Variants in CCDC91 observed in about 807,000 individuals in gnomAD.
The protein encoded by CCDC91 is coiled-coil domain containing 91.
A neutral mutation model predicts 63.2 loss-of-function variants in CCDC91; 48 were observed. The ratio of observed to expected loss-of-function variants is 0.76; its 90% CI spans 0.60 to 0.97. CCDC91 has a LOEUF of 0.97. Among genes scored for constraint, CCDC91 ranks in the 50% least tolerant of loss-of-function variants. CCDC91 has a pLI of 0.00. For synonymous variants in CCDC91, 167 were observed against 165.8 expected (o/e 1.01, Z -0.06); for missense variants, 500 against 494.6 (o/e 1.01, Z -0.10).
intron 1 of CCDC91, among the ~76,000 whole-genome samples, chr12:28,231,629 A>T (rs1190687672): frequency 6.6e-6 from 1 of 152,066 alleles, no homozygotes; most frequent in African/African-American, 2.4e-5. Context: ...TTAGATTTTT[A>T]ACTGTACTTA....
At position 28,517,561 on chromosome 12, in the gene CCDC91, C is replaced by T. The variant is rs570872015; in HGVS notation, c.1216-31502C>T. On this transcript the variant is annotated intron_variant, in intron 12 of 12. Transcript: ENST00000536442. The stretch of plus-strand genomic sequence containing the variant: ...TTCAATATTCCATGGCACATATTCA[C>T]ACAATAGAGTTTTATTTGTTTTTAT... Among the ~76,000 whole-genome samples, 20 of 152,070 alleles carry T rather than the reference C, an allele frequency of 1.3e-4. No individual in the cohort carries two copies. The South Asian group carries it at 4.1e-3, about 32-fold the overall frequency.
At chr12:28,531,715 G>T (rs1246888847) in intron 12 of CCDC91, among the ~76,000 whole-genome samples, 1 of 152,082 alleles carries the variant, frequency 6.6e-6, no homozygotes, top group Non-Finnish European at 1.5e-5. Context: ...GTAAGTAATT[G>T]TCTCTTCTAT....
intron 8 of CCDC91, among the ~76,000 whole-genome samples, chr12:28,407,365 A>G (rs1426151249): frequency 6.6e-6 from 1 of 152,084 alleles, no homozygotes; most frequent in Non-Finnish European, 1.5e-5. Context: ...TTGATTCTCT[A>G]TTCTCTTTCA....
chr12:28,279,888 C>T (rs1002285176), intron 3 of CCDC91, among the ~76,000 whole-genome samples: 9 of 149,990 alleles, frequency 6.0e-5, no homozygotes, highest in Non-Finnish European at 1.2e-4. Flanking sequence ...TGTATATATA[C>T]GATGCAGTGT....
intron 11 of CCDC91, among the ~76,000 whole-genome samples, chr12:28,471,941 G>A (rs1352362440): frequency 1.3e-5 from 2 of 152,010 alleles, no homozygotes; most frequent in African/African-American, 4.8e-5. Flanking sequence ...AGTAGAGATG[G>A]GGTTTTGCCC....
intron 12 of CCDC91, among the ~76,000 whole-genome samples, chr12:28,491,831 C>T (rs1952017399): frequency 6.7e-6 from 1 of 150,310 alleles, no homozygotes; most frequent in African/African-American, 2.4e-5. Context: ...TATTGATATG[C>T]CCTTCAGCCA....
At chr12:28,391,749 T>G (rs1945962186) in intron 8 of CCDC91, among the ~76,000 whole-genome samples, 1 of 152,208 alleles carries the variant, frequency 6.6e-6, no homozygotes, top group South Asian at 2.1e-4. Context: ...AACATTTGAA[T>G]TTTTAAAGCA....
intron 6 of CCDC91, among the ~76,000 whole-genome samples, chr12:28,348,850 A>G (rs146256032): frequency 0.017 from 2,540 of 152,122 alleles, 26 homozygotes; most frequent in South Asian, 0.029. Context: ...CAGCCTCCTG[A>G]GTAGCTGGGA....
chr12:28,319,804 A>G (rs951748039), intron 6 of CCDC91, among the ~76,000 whole-genome samples: 1 of 151,824 alleles, frequency 6.6e-6, no homozygotes, highest in Non-Finnish European at 1.5e-5. Flanking sequence ...ATAATAATAC[A>G]ATATAATAAT....
intron 11 of CCDC91, among the ~76,000 whole-genome samples, chr12:28,468,799 A>G (rs866506415): frequency 2.0e-5 from 3 of 152,234 alleles, no homozygotes; most frequent in Middle Eastern, 3.4e-3. Context: ...AAGTGAATTA[A>G]TGTAATACAA....
At chr12:28,315,367 T>C (rs946931018) in intron 6 of CCDC91, among the ~76,000 whole-genome samples, 3 of 151,932 alleles carry the variant, frequency 2.0e-5, no homozygotes, top group Non-Finnish European at 4.4e-5. Context: ...GGTCTCACCA[T>C]GTTCACCAGG....
chr12:28,515,663 A>G (rs1939861676), intron 12 of CCDC91, among the ~76,000 whole-genome samples: 2 of 151,968 alleles, frequency 1.3e-5, no homozygotes, highest in Admixed American at 1.3e-4. Context: ...AATGCTGATT[A>G]TCAATAATAA....
intron 12 of CCDC91, among the ~76,000 whole-genome samples, chr12:28,544,683 G>T (rs867623840): frequency 6.6e-6 from 1 of 151,936 alleles, no homozygotes; most frequent in African/African-American, 2.4e-5. Flanking sequence ...GATGTGAACA[G>T]TCTTCTTAAT....
chr12:28,468,421 A>G (rs1290457235), intron 11 of CCDC91, among the ~76,000 whole-genome samples: 1 of 151,972 alleles, frequency 6.6e-6, no homozygotes, highest in Non-Finnish European at 1.5e-5. Flanking sequence ...ACAGATGAAT[A>G]AGAAATAAGG....
intron 6 of CCDC91, among the ~76,000 whole-genome samples, chr12:28,321,785 A>G (rs1426334588): frequency 6.6e-6 from 1 of 151,862 alleles, no homozygotes; most frequent in Non-Finnish European, 1.5e-5. Flanking sequence ...TAAGCTACCT[A>G]GTCTATGTTA....
chr12:28,220,652 T>A (rs1943876321), intron 1 of CCDC91, among the ~76,000 whole-genome samples: 1 of 151,972 alleles, frequency 6.6e-6, no homozygotes, highest in South Asian at 2.1e-4. Flanking sequence ...TCTTACCCTT[T>A]GTTTATCTGA....
At chr12:28,246,633 T>G (rs1945754465) in intron 1 of CCDC91, among the ~76,000 whole-genome samples, 1 of 152,100 alleles carries the variant, frequency 6.6e-6, no homozygotes, top group Non-Finnish European at 1.5e-5. Context: ...AAAACATGAT[T>G]GTTTTAGAAA....
At chr12:28,364,132 T>C (rs1254914492) in intron 7 of CCDC91, among the ~76,000 whole-genome samples, 2 of 152,016 alleles carry the variant, frequency 1.3e-5, no homozygotes, top group Non-Finnish European at 2.9e-5. Context: ...ACATCTGCAA[T>C]CCCAACACTT....
intron 6 of CCDC91, among the ~76,000 whole-genome samples, chr12:28,336,124 A>G (rs1200898581): frequency 6.6e-6 from 1 of 151,872 alleles, no homozygotes; most frequent in Non-Finnish European, 1.5e-5. Flanking sequence ...CTAATTTCTT[A>G]GTAATAAATA....
Sources: allele counts gnomAD v4.1 joint callset (sites outside exome capture counted in the v4.1 genomes callset), GRCh38; gene constraint gnomAD v4.1.1; transcripts MANE v1.5; gene names NCBI Gene and HGNC (gene_info 2026-07-23, HGNC 2026-07-21).